Variants in SPMIP4 observed in about 807,000 individuals in gnomAD.
The protein encoded by SPMIP4 is sperm microtubule inner protein 4.
the SPMIP4 span, among the ~76,000 whole-genome samples, chr7:25,152,574 G>A: frequency 2.0e-5 from 3 of 152,134 alleles, no homozygotes; most frequent in Non-Finnish European, 4.4e-5. Context: ...GAGAGAATAA[G>A]TGATTTGTCC....
the SPMIP4 span, chr7:25,168,191 A>G: frequency 1.0e-6 from 1 of 989,308 alleles, no homozygotes. Flanking sequence ...AAGAGAAATA[A>G]GTTTGAAGAC....
chr7:25,179,467 C>T, the SPMIP4 span: 1 of 633,376 alleles, frequency 1.6e-6, no homozygotes, highest in East Asian at 3.0e-5. Context: ...GCCGTCAAAT[C>T]AGTAATAAAT....
the SPMIP4 span, among the ~76,000 whole-genome samples, chr7:25,139,980 G>A: frequency 6.6e-6 from 1 of 152,068 alleles, no homozygotes; most frequent in Non-Finnish European, 1.5e-5. Context: ...TTTAAGAGTT[G>A]ATTTGCTTGC....
chr7:25,179,082 C>A, the SPMIP4 span: 5 of 1,130,378 alleles, frequency 4.4e-6, no homozygotes, highest in South Asian at 1.7e-5. Flanking sequence ...ACAGAAGAGC[C>A]CCAGAACAAT....
the SPMIP4 span, among the ~76,000 whole-genome samples, chr7:25,137,319 T>TTA: frequency 7.2e-6 from 1 of 138,662 alleles, no homozygotes; most frequent in African/African-American, 2.6e-5. Flanking sequence ...TTTTTTTTTT[T>TTA]ATTTTTTCTT....
the SPMIP4 span, among the ~76,000 whole-genome samples, chr7:25,147,322 G>C: frequency 1.8e-4 from 27 of 152,236 alleles, no homozygotes; most frequent in African/African-American, 6.5e-4. Flanking sequence ...ATTTATGTTT[G>C]CCAATTGGAA....
At chr7:25,157,742 C>T in the SPMIP4 span, among the ~76,000 whole-genome samples, 1 of 152,142 alleles carries the variant, frequency 6.6e-6, no homozygotes, top group Non-Finnish European at 1.5e-5. Context: ...GAATGTAATG[C>T]GGTACTCTGG....
At chr7:25,126,304 A>G in the SPMIP4 span, among the ~76,000 whole-genome samples, 2,513 of 152,220 alleles carry the variant, frequency 0.017, 82 homozygotes, top group African/African-American at 0.058. Context: ...CAGCCCCCCA[A>G]GTAGCTGGGA....
chr7:25,179,230 T>C, the SPMIP4 span: 2 of 1,613,650 alleles, frequency 1.2e-6, no homozygotes, highest in Non-Finnish European at 1.7e-6. Context: ...TGCAATTCAT[T>C]AGAGTAAAAG....
the SPMIP4 span, among the ~76,000 whole-genome samples, chr7:25,177,814 C>A: frequency 6.6e-6 from 1 of 151,810 alleles, no homozygotes; most frequent in African/African-American, 2.4e-5. Flanking sequence ...TTTTTTTAAA[C>A]TTTTTTTCTA....
At chr7:25,179,160 T>C in the SPMIP4 span, 5 of 1,580,922 alleles carry the variant, frequency 3.2e-6, no homozygotes, top group African/African-American at 5.5e-5. Context: ...TTGCTTTTTC[T>C]AGTTTTTGTT....
chr7:25,158,170 C>T, the SPMIP4 span, among the ~76,000 whole-genome samples: 1 of 151,818 alleles, frequency 6.6e-6, no homozygotes, highest in Non-Finnish European at 1.5e-5. Flanking sequence ...GGGTTCAAGA[C>T]CAGCCTGGGC....
At chr7:25,137,444 CT>C in the SPMIP4 span, among the ~76,000 whole-genome samples, 59 of 151,950 alleles carry the variant, frequency 3.9e-4, no homozygotes, top group Middle Eastern at 3.4e-3. Flanking sequence ...TTTGCTAGCG[CT>C]GCCATAATGA....
chr7:25,144,621 C>T, the SPMIP4 span, among the ~76,000 whole-genome samples: 1 of 152,212 alleles, frequency 6.6e-6, no homozygotes, highest in Non-Finnish European at 1.5e-5. Context: ...GGTTCAAGAT[C>T]ATGGTCAGGG....
At chr7:25,176,760 C>A in the SPMIP4 span, among the ~76,000 whole-genome samples, 1 of 152,158 alleles carries the variant, frequency 6.6e-6, no homozygotes, top group South Asian at 2.1e-4. The surrounding 1 kb of genome is among the most constrained non-coding windows in gnomAD (Gnocchi z 4.4). Flanking sequence ...GTTTTCCTTA[C>A]AAATTTCTAT....
At chr7:25,151,525 G>A in the SPMIP4 span, 5 of 988,594 alleles carry the variant, frequency 5.1e-6, no homozygotes, top group Non-Finnish European at 7.7e-6. Flanking sequence ...GTCAAGCCTA[G>A]ATTTTTATAA....
the SPMIP4 span, among the ~76,000 whole-genome samples, chr7:25,126,779 G>C: frequency 1.3e-5 from 2 of 152,198 alleles, no homozygotes; most frequent in Non-Finnish European, 2.9e-5. Context: ...TTAGTAGTGA[G>C]TTTTGTACCT....
the SPMIP4 span, among the ~76,000 whole-genome samples, chr7:25,159,418 T>C: frequency 2.6e-5 from 4 of 152,228 alleles, no homozygotes; most frequent in Admixed American, 2.0e-4. Flanking sequence ...GAAATAATCC[T>C]GTAGCCCTGG....
At chr7:25,136,768 T>G in the SPMIP4 span, 2 of 1,611,486 alleles carry the variant, frequency 1.2e-6, no homozygotes, top group Non-Finnish European at 1.7e-6. This position sits in a 1 kb window ranked among gnomAD's most constrained non-coding sequence, Gnocchi z 5.7. Context: ...TCTGGGAGGT[T>G]TGAAGACAGG....
Sources: gnomAD v4.1 joint callset for allele counts (sites outside exome capture counted in the v4.1 genomes callset) on GRCh38, gnomAD v4.1.1 for gene constraint, Gnocchi (gnomAD v3.1) non-coding constraint, MANE v1.5 for transcripts, NCBI Gene and HGNC (gene_info 2026-07-23, HGNC 2026-07-21) for gene names.